The following ATP8B4 variants were observed in gnomAD, a reference collection of about 807,000 sequenced individuals.
The protein encoded by ATP8B4 is probable phospholipid-transporting ATPase IM.
In ATP8B4, 133 loss-of-function variants were observed where a neutral mutation model predicts 145.6. That is an observed-to-expected ratio of 0.91 (90% CI 0.79 to 1.05). ATP8B4 has a LOEUF of 1.05. Ranked by LOEUF, ATP8B4 falls within the 50% of genes least tolerant of loss-of-function variation. ATP8B4 has a pLI of 0.00. For synonymous variants in ATP8B4, 507 were observed against 492.9 expected, an observed-to-expected ratio of 1.03 and a Z score of -0.38; for missense variants, 1,458 against 1,425.2, an observed-to-expected ratio of 1.02 and a Z score of -0.37.
At chr15:49,949,971 T>C (rs1200259299) in intron 14 of ATP8B4, among the ~76,000 whole-genome samples, 1 of 152,244 alleles carries the variant, frequency 6.6e-6, no homozygotes, top group African/African-American at 2.4e-5. Flanking sequence ...TTTATTGATT[T>C]GCATATGTTG....
Position 49,860,027 on chromosome 15 carries a change from G to C in ATP8B4, c.*167C>G, listed in dbSNP as rs1394117373. The C allele has an allele frequency of 2.6e-6, 2 of 776,926 alleles. No homozygotes were observed. Among genetic ancestry groups the C allele is most frequent in the African/African-American group, 3.5e-5 (2 of 57,124 alleles). 48.1% of individuals were successfully genotyped at this position (776,926 alleles called of 1,614,324 possible). On this transcript the variant is annotated 3_prime_UTR_variant, in exon 28 of 28. Coordinates refer to ENST00000284509, the MANE Select transcript of ATP8B4 (RefSeq NM_024837.4). ...ACCCTCTGGCCTGGTTTTCCATAGC[G>C]CACACTCCTGTTTGATGGGCACTGG...
At chr15:49,972,875 C>A in intron 12 of ATP8B4, 85 bp from the exon 13 acceptor site, 1 of 1,358,404 alleles carries the variant, frequency 7.4e-7, no homozygotes, top group South Asian at 1.4e-5. Flanking sequence ...AAGAAGTCTG[C>A]CAAAGTCTCC....
chr15:49,987,451 T>C lies in ATP8B4; in HGVS notation c.688A>G (p.Ile230Val). 1 of 1,613,924 alleles carries C rather than the reference T, an allele frequency of 6.2e-7. No homozygotes were observed. Among genetic ancestry groups the C allele is most frequent in the South Asian group, 1.1e-5 (1 of 91,082 alleles). The change falls in exon 10 of 28, where the codon ATC becomes GTC. Residue 230 changes from isoleucine (I) to valine (V), a missense_variant. Transcript: ENST00000284509. ...SKHSLNNEKI[I>V]LRGCILRNTS... ...TTTCTCAGGATGCAGCCTCTCAGGATTATCTTCTCATTGTTGAGGGAATGC... is the reference window on the plus strand; with the variant it reads ...TTTCTCAGGATGCAGCCTCTCAGGACTATCTTCTCATTGTTGAGGGAATGC...
At chr15:50,100,035 CAAA>C (rs751319243) in intron 2 of ATP8B4, among the ~76,000 whole-genome samples, 3 of 80,206 alleles carry the variant, frequency 3.7e-5, no homozygotes, top group Non-Finnish European at 5.0e-5. Context: ...AACTCCATCT[CAAA>C]AAAAAAAAAA....
chr15:50,082,796 T>A (rs1325894434), intron 2 of ATP8B4, among the ~76,000 whole-genome samples: 1 of 152,240 alleles, frequency 6.6e-6, no homozygotes, highest in African/African-American at 2.4e-5. Context: ...AGATACTACA[T>A]GAAGTGTTTC....
chr15:50,081,445 T>A (rs1376927562), intron 2 of ATP8B4, among the ~76,000 whole-genome samples: 1 of 152,202 alleles, frequency 6.6e-6, no homozygotes, highest in African/African-American at 2.4e-5. Context: ...GATCTTGAAG[T>A]AATTTTTTTA....
chr15:50,106,313 A>G (rs2056679372), intron 2 of ATP8B4, among the ~76,000 whole-genome samples: 1 of 152,292 alleles, frequency 6.6e-6, no homozygotes, highest in African/African-American at 2.4e-5. Flanking sequence ...ACTAGAGACA[A>G]AAGAGACAAT....
chr15:50,007,678 C>T (rs897239187), intron 7 of ATP8B4, among the ~76,000 whole-genome samples: 3 of 152,124 alleles, frequency 2.0e-5, no homozygotes, highest in Non-Finnish European at 2.9e-5. Flanking sequence ...AGTATAACTC[C>T]TAAGTGGGTC....
chr15:50,117,685 T>A (rs1483541800), intron 1 of ATP8B4, among the ~76,000 whole-genome samples: 2 of 152,168 alleles, frequency 1.3e-5, no homozygotes, highest in African/African-American at 4.8e-5. Flanking sequence ...ATAAGTACCT[T>A]GAAGAGATAT....
Position 49,862,367 on chromosome 15 carries a change from G to A in ATP8B4, c.3175C>T (p.Arg1059Ter), listed in dbSNP as rs753835824. The A allele has an allele frequency of 1.5e-5, 25 of 1,613,100 alleles. No individual in the cohort carries two copies. Among genetic ancestry groups the A allele is most frequent in the East Asian group, 8.9e-5 (4 of 44,788 alleles). ...PNQFPFVGNA[R>*]HSLTQKCIWL... ...ATGCACTTCTGGGTCAGGGAATGTCGTGCATTACCTATCAATCATTAAAGA... is the reference window on the plus strand; with the variant it reads ...ATGCACTTCTGGGTCAGGGAATGTCATGCATTACCTATCAATCATTAAAGA... The change falls in exon 27 of 28, where the codon CGA becomes TGA. Residue 1059 changes from arginine to a stop codon, truncating the protein, a stop_gained. Transcript: ENST00000284509. LOFTEE classifies it high-confidence loss of function.
intron 14 of ATP8B4, among the ~76,000 whole-genome samples, chr15:49,961,711 T>G (rs1450152218): frequency 6.6e-6 from 1 of 152,166 alleles, no homozygotes; most frequent in Non-Finnish European, 1.5e-5. Flanking sequence ...ACCTATATAA[T>G]TATTTTTCTC....
At chr15:49,875,081 CACACACACACATCTAT>C (rs1356321234) in intron 25 of ATP8B4, among the ~76,000 whole-genome samples, 1 of 152,082 alleles carries the variant, frequency 6.6e-6, no homozygotes. Flanking sequence ...ACACCAGTTT[CACACACACACATCTAT>C]CCATGTACAC....
At chr15:50,175,105 G>T (rs2044742750) in intron 1 of ATP8B4, among the ~76,000 whole-genome samples, 1 of 152,166 alleles carries the variant, frequency 6.6e-6, no homozygotes. Context: ...GTAGAAGAAT[G>T]AAACTGGATC....
chr15:50,006,694 T>A (rs2048328710), intron 7 of ATP8B4, among the ~76,000 whole-genome samples: 1 of 152,176 alleles, frequency 6.6e-6, no homozygotes, highest in Non-Finnish European at 1.5e-5. Context: ...ATGCCTTGGT[T>A]TTAAAACAAC....
chr15:50,155,050 G>T (rs1479450431), intron 1 of ATP8B4, among the ~76,000 whole-genome samples: 1 of 151,944 alleles, frequency 6.6e-6, no homozygotes, highest in Non-Finnish European at 1.5e-5. Flanking sequence ...TAACCATTAT[G>T]CATAGATTAC....
chr15:50,126,689 C>T (rs9920455), intron 1 of ATP8B4, among the ~76,000 whole-genome samples: 29,675 of 152,158 alleles, frequency 0.2, 3,206 homozygotes, highest in Middle Eastern at 0.24. Context: ...ATTGAAGAAA[C>T]GCAAGATTTT....
intron 1 of ATP8B4, among the ~76,000 whole-genome samples, chr15:50,149,483 A>T (rs1223802942): frequency 6.6e-6 from 1 of 152,170 alleles, no homozygotes; most frequent in Non-Finnish European, 1.5e-5. Context: ...CTTGAAGCAG[A>T]TCTCTTTGAT....
chr15:49,989,046 A>G (rs1288787701), intron 9 of ATP8B4, among the ~76,000 whole-genome samples: 2 of 152,148 alleles, frequency 1.3e-5, no homozygotes, highest in Non-Finnish European at 2.9e-5. Flanking sequence ...AGTTTCCCAG[A>G]CATCCCTATT....
chr15:50,073,786 AT>A (rs2054000524), intron 3 of ATP8B4, among the ~76,000 whole-genome samples: 1 of 152,196 alleles, frequency 6.6e-6, no homozygotes, highest in African/African-American at 2.4e-5. Flanking sequence ...ACGTCACTAC[AT>A]CCATCACTAA....
Sources: gnomAD v4.1 joint callset for allele counts (sites outside exome capture counted in the v4.1 genomes callset) on GRCh38, gnomAD v4.1.1 for gene constraint, MANE v1.5 for transcripts, NCBI Gene and HGNC (gene_info 2026-07-23, HGNC 2026-07-21) for gene names.